The following PKD1L3 variants were observed in gnomAD, a reference collection of about 807,000 sequenced individuals.
The protein encoded by PKD1L3 is polycystin-1-like protein 3.
Under a neutral mutation model 184.1 loss-of-function variants are expected in PKD1L3, and 239 were observed. That is an observed-to-expected ratio of 1.30 (90% CI 1.17 to 1.45). The LOEUF is 1.45. PKD1L3 is among the 40% of genes most tolerant of loss of function. The pLI is 0.00. For missense variants in PKD1L3, 2,660 were observed against 2,067.2 expected (o/e 1.29, Z -5.56); for synonymous variants, 996 against 778.8 (o/e 1.28, Z -4.64).
rs746273099 is a variant in PKD1L3, at chr16:71,999,724, A to G, written c.255T>C (p.Asn85=). 8.6e-5 allele frequency: 133 copies of G among 1,546,756 alleles called. No homozygotes were observed. The African/African-American group carries it at 1.6e-3, about 19-fold the overall frequency. The change falls in exon 1 of 30, where the codon AAT becomes AAC. Residue 85 remains asparagine (N), a synonymous_variant. Coordinates refer to ENST00000620267, the MANE Select transcript of PKD1L3 (RefSeq NM_181536.2). ...EEGKKWWIGQ[N]VMPLKKHQDN... Reference sequence around the variant, plus strand: ...CTTGATGCTTTTTCAATGGCATTACATTTTGCCCAATCCACCACTTCTTTC... The same window carrying G: ...CTTGATGCTTTTTCAATGGCATTACGTTTTGCCCAATCCACCACTTCTTTC...
chr16:71,971,382 C>A (rs13338988), intron 12 of PKD1L3, among the ~76,000 whole-genome samples: 1 of 152,014 alleles, frequency 6.6e-6, no homozygotes, highest in Non-Finnish European at 1.5e-5. Flanking sequence ...TGTTTGGTTT[C>A]GTGGGTGAAA....
intron 17 of PKD1L3, among the ~76,000 whole-genome samples, 181 bp downstream of exon 17, chr16:71,953,924 T>C (rs921862458): frequency 6.6e-6 from 1 of 152,178 alleles, no homozygotes; most frequent in East Asian, 1.9e-4. Context: ...AGTTAAAGTA[T>C]TGCATAGTAG....
chr16:71,993,879 A>G (rs1473963214), intron 2 of PKD1L3, among the ~76,000 whole-genome samples: 3 of 152,084 alleles, frequency 2.0e-5, no homozygotes, highest in African/African-American at 7.2e-5. Flanking sequence ...GGTTCAAGTG[A>G]TTCTCCTGCC....
intron 24 of PKD1L3, among the ~76,000 whole-genome samples, chr16:71,939,086 T>G (rs1322794576): frequency 6.6e-6 from 1 of 152,214 alleles, no homozygotes; most frequent in Non-Finnish European, 1.5e-5. Context: ...TCTCGAAGAT[T>G]CTAGGCACCA....
At chr16:71,984,723 G>A (rs923762442) in intron 5 of PKD1L3, among the ~76,000 whole-genome samples, 2 of 152,154 alleles carry the variant, frequency 1.3e-5, no homozygotes, top group African/African-American at 4.8e-5. Flanking sequence ...ACCAGGCTTG[G>A]TGGTGTACAC....
chr16:71,937,427 T>G lies in PKD1L3; in HGVS notation c.4325-8A>C. The G allele has an allele frequency of 6.5e-7, 1 of 1,549,862 alleles. No homozygotes were observed. Among genetic ancestry groups the G allele is most frequent in the Non-Finnish European group, 8.7e-7 (1 of 1,146,492 alleles). ...AAGAGGTGAAGAAAGCACCTGAGAA[T>G]AACAAAGAACACCTGGAGTCAAGAG... On this transcript the variant is annotated splice_region_variant and splice_polypyrimidine_tract_variant and intron_variant, in intron 24 of 29. Transcript: ENST00000620267.
chr16:71,963,802 G>C (rs565975427), intron 15 of PKD1L3, among the ~76,000 whole-genome samples: 7 of 152,138 alleles, frequency 4.6e-5, no homozygotes, highest in African/African-American at 1.4e-4. Flanking sequence ...AAAGAAAAGA[G>C]AGTAGATCTT....
At chr16:71,979,693 A>T in intron 9 of PKD1L3, 93 bp downstream of exon 9, 2 of 1,389,926 alleles carry the variant, frequency 1.4e-6, no homozygotes, top group Non-Finnish European at 9.5e-7. Flanking sequence ...TGGTCTGTTC[A>T]GTTTACATTT....
chr16:71,962,533 G>A (rs1402313495), intron 16 of PKD1L3, among the ~76,000 whole-genome samples: 1 of 152,148 alleles, frequency 6.6e-6, no homozygotes, highest in Non-Finnish European at 1.5e-5. Context: ...CCGTTGCCCA[G>A]GCTGGAGTGC....
Position 71,977,309 on chromosome 16 carries a change from C to A in PKD1L3, c.1686G>T (p.Gly562=). 1.3e-6 allele frequency: 2 copies of A among 1,544,626 alleles called. No homozygotes were observed. Among genetic ancestry groups the A allele is most frequent in the Non-Finnish European group, 1.8e-6 (2 of 1,140,640 alleles). ...GAGTGCAGTTAGGCTGATACTGGAA[C>A]CCCAGGTAGAGTGTCATTAAAAGGG... ...DSPLLMTLYL[G]FQYQPNCTHF... The change falls in exon 11 of 30, where the codon GGG becomes GGT. Residue 562 remains glycine, a synonymous_variant. Transcript: ENST00000620267.
chr16:71,979,649 A>C (rs1158549026), intron 9 of PKD1L3, 137 bp downstream of exon 9: 6 of 1,094,826 alleles, frequency 5.5e-6, no homozygotes, highest in East Asian at 6.1e-5. Context: ...GTGTAAAATA[A>C]AAATGAATGC....
intron 5 of PKD1L3, 133 bp downstream of exon 5, chr16:71,986,086 GTT>G: frequency 8.4e-7 from 1 of 1,191,026 alleles, no homozygotes; most frequent in Non-Finnish European, 1.2e-6. Flanking sequence ...GACTTGTTTA[GTT>G]TTTGTTTTGG....
chr16:71,979,250 T>C (rs1222846653), intron 9 of PKD1L3, among the ~76,000 whole-genome samples: 1 of 152,058 alleles, frequency 6.6e-6, no homozygotes, highest in East Asian at 1.9e-4. Flanking sequence ...TTGAGACCAG[T>C]CTGGCCAAAA....
intron 11 of PKD1L3, among the ~76,000 whole-genome samples, chr16:71,974,708 T>C (rs994672105): frequency 3.9e-5 from 6 of 152,098 alleles, no homozygotes; most frequent in Non-Finnish European, 8.8e-5. Flanking sequence ...CAAAACTGAG[T>C]ACACCTTTGG....
chr16:71,973,426 C>CT lies in PKD1L3; in HGVS notation c.1850dup (p.Ala619CysfsTer48). On this transcript the variant is annotated frameshift_variant, in exon 12 of 30. Coordinates refer to ENST00000620267, the MANE Select transcript of PKD1L3 (RefSeq NM_181536.2). LOFTEE classifies it high-confidence loss of function. Reference sequence around the variant, plus strand: ...CCAAGCTGGGTGTCTGCTGAGCACCCTCCTGCCTCTCACTCAGCACAGCTG... The same window carrying CT: ...CCAAGCTGGGTGTCTGCTGAGCACCCTTCCTGCCTCTCACTCAGCACAGCTG... 1 of 1,551,740 alleles carries CT rather than the reference C, an allele frequency of 6.4e-7. No individual in the cohort carries two copies. The highest frequency in any genetic ancestry group is 2.4e-5 in the East Asian group (1 of 40,916).
At chr16:71,954,591 A>C (rs1176946744) in intron 16 of PKD1L3, among the ~76,000 whole-genome samples, 1 of 152,220 alleles carries the variant, frequency 6.6e-6, no homozygotes, top group Non-Finnish European at 1.5e-5. Context: ...TAGCTTTATA[A>C]GAGTTTTGAT....
chr16:71,990,901 A>G (rs2040564995), intron 3 of PKD1L3, among the ~76,000 whole-genome samples: 1 of 152,192 alleles, frequency 6.6e-6, no homozygotes, highest in Non-Finnish European at 1.5e-5. Context: ...CTGTTAATAC[A>G]TCCTTAATAA....
At chr16:71,968,964 G>T (rs577174634) in intron 13 of PKD1L3, among the ~76,000 whole-genome samples, 2 of 150,016 alleles carry the variant, frequency 1.3e-5, no homozygotes, top group South Asian at 2.1e-4. Context: ...TCACTCTGTC[G>T]GCCAGGCTGG....
intron 24 of PKD1L3, 124 bp downstream of exon 24, chr16:71,942,436 C>T: frequency 2.5e-6 from 2 of 787,758 alleles, no homozygotes; most frequent in Non-Finnish European, 4.0e-6. Flanking sequence ...AAGTCTCCAA[C>T]AAATTTACCT....
Sources: allele counts gnomAD v4.1 joint callset (sites outside exome capture counted in the v4.1 genomes callset), GRCh38; gene constraint gnomAD v4.1.1; transcripts MANE v1.5; gene names NCBI Gene and HGNC (gene_info 2026-07-23, HGNC 2026-07-21).